SPNS3: variants seen among roughly 807,000 people sequenced by gnomAD.
SPNS3 encodes protein spinster homolog 3.
SPNS3 carries 51 observed loss-of-function variants against 54.4 expected under a neutral mutation model. That is an observed-to-expected ratio of 0.94 (90% CI 0.75 to 1.18). The LOEUF is 1.18. Among genes scored for constraint, SPNS3 ranks in the 50% most tolerant of loss-of-function variants. The pLI is 0.00. For synonymous variants in SPNS3, 309 were observed against 294.7 expected, an observed-to-expected ratio of 1.05 and a Z score of -0.50; for missense variants, 669 against 677.4, an observed-to-expected ratio of 0.99 and a Z score of 0.14.
chr17:4,464,208 T>C (rs113194246), intron 8 of SPNS3, among the ~76,000 whole-genome samples: 41 of 152,362 alleles, frequency 2.7e-4, no homozygotes, highest in African/African-American at 9.6e-4. Context: ...ATCTCTTCCA[T>C]CTTTCCAGTC....
At chr17:4,438,310 G>A (rs751349468) in intron 1 of SPNS3, among the ~76,000 whole-genome samples, 3 of 152,214 alleles carry the variant, frequency 2.0e-5, no homozygotes, top group Non-Finnish European at 2.9e-5. Flanking sequence ...ACCTTGGGCC[G>A]CTAAAGCCTC....
chr17:4,445,968 G>T (rs1196155967), intron 3 of SPNS3, 80 bp from the exon 4 acceptor site: 5 of 1,504,972 alleles, frequency 3.3e-6, no homozygotes, highest in Admixed American at 2.0e-5. Context: ...GGTCCCCTTG[G>T]CTCCTCCGAC....
chr17:4,458,534 T>TCCTC (rs1567563699), intron 8 of SPNS3, among the ~76,000 whole-genome samples: 1 of 102,446 alleles, frequency 9.8e-6, no homozygotes, highest in African/African-American at 2.7e-5. Context: ...CCGCCTTCCT[T>TCCTC]CCTTCCTTCC....
Position 4,440,448 on chromosome 17 carries a change from C to A in SPNS3, c.265+725C>A, listed in dbSNP as rs368594518. On this transcript the variant is annotated intron_variant, in intron 2 of 11. Transcript: ENST00000355530. ...GGGCTTTAGAACATGGCTCTTAAAC[C>A]GGGGTACAGGGATCCCTGGGGATAC... is the stretch of plus-strand genomic sequence containing the variant. Among the ~76,000 whole-genome samples the A allele has an allele frequency of 1.2e-3, 179 of 152,300 alleles. 3 individuals are homozygous for A. Among genetic ancestry groups the A allele is most frequent in the African/African-American group, 4.0e-3 (168 of 41,574 alleles).
chr17:4,453,278 T>C, intron 8 of SPNS3, 73 bp downstream of exon 8: 1 of 1,416,336 alleles, frequency 7.1e-7, no homozygotes, highest in Non-Finnish European at 9.6e-7. Context: ...AGGCTCATGC[T>C]GCGCCCGGCC....
chr17:4,439,551 C>A, intron 1 of SPNS3, 107 bp from the exon 2 acceptor site: 1 of 946,876 alleles, frequency 1.1e-6, no homozygotes, highest in Non-Finnish European at 1.6e-6. Context: ...GTGCCATGCC[C>A]TGTGCTGTGC....
At chr17:4,443,780 A>G (rs932588921) in intron 2 of SPNS3, among the ~76,000 whole-genome samples, 14 of 152,352 alleles carry the variant, frequency 9.2e-5, no homozygotes, top group Admixed American at 8.5e-4. Flanking sequence ...TTTCCAAAAC[A>G]TATTAACAAA....
chr17:4,471,465 A>ATATT (rs1441490241), intron 8 of SPNS3, among the ~76,000 whole-genome samples: 1 of 151,592 alleles, frequency 6.6e-6, no homozygotes, highest in Admixed American at 6.6e-5. Flanking sequence ...CTTTTCTTTG[A>ATATT]TATTTATTTA....
intron 3 of SPNS3, 68 bp downstream of exon 3, chr17:4,445,236 C>A (rs1300239934): frequency 8.7e-6 from 13 of 1,491,282 alleles, no homozygotes; most frequent in Non-Finnish European, 1.2e-5. Flanking sequence ...CTGATTCAGC[C>A]CCGTCAGAGC....
chr17:4,434,305 G>A, intron 1 of SPNS3, 139 bp downstream of exon 1: 6 of 793,186 alleles, frequency 7.6e-6, no homozygotes, highest in Non-Finnish European at 1.2e-5. Flanking sequence ...CTCTAGAGGT[G>A]GTTTTCAGCT....
At chr17:4,470,030 C>A (rs184863528) in intron 8 of SPNS3, among the ~76,000 whole-genome samples, 6 of 152,142 alleles carry the variant, frequency 3.9e-5, no homozygotes, top group African/African-American at 7.2e-5. Context: ...ATTCCGTACA[C>A]GTGTCTCTCT....
rs142673867 is a variant in SPNS3, at chr17:4,464,159, G to T, written c.1113+10954G>T. On this transcript the variant is annotated intron_variant, in intron 8 of 11. Coordinates refer to ENST00000355530, the MANE Select transcript of SPNS3 (RefSeq NM_182538.5). ...CTGGTCTGGGGCCTTCCCTGGGGGA[G>T]CCCATGCCCTGTGGCCACGTACAGA... Among the ~76,000 whole-genome samples the T allele has an allele frequency of 3.1e-3, 478 of 152,322 alleles. 2 individuals are homozygous for T. Among genetic ancestry groups the T allele is most frequent in the African/African-American group, 0.011 (457 of 41,572 alleles).
intron 9 of SPNS3, among the ~76,000 whole-genome samples, chr17:4,479,277 C>T (rs1645835898): frequency 6.6e-6 from 1 of 152,252 alleles, no homozygotes; most frequent in Non-Finnish European, 1.5e-5. Flanking sequence ...TGCTTCTCAG[C>T]AAGCAGGTTC....
intron 8 of SPNS3, among the ~76,000 whole-genome samples, chr17:4,454,887 T>C (rs1231645650): frequency 2.0e-5 from 3 of 149,534 alleles, no homozygotes; most frequent in Non-Finnish European, 4.4e-5. Context: ...CCTCCCAAAG[T>C]GCTGAGATTA....
chr17:4,440,086 C>T (rs1230882744), intron 2 of SPNS3, among the ~76,000 whole-genome samples: 1 of 152,112 alleles, frequency 6.6e-6, no homozygotes, highest in East Asian at 1.9e-4. Flanking sequence ...TTTCCTCTCA[C>T]AGAACTGAAA....
At chr17:4,458,588 CCTTT>C (rs1188233610) in intron 8 of SPNS3, among the ~76,000 whole-genome samples, 4,061 of 58,664 alleles carry the variant, frequency 0.069, 158 homozygotes, top group Admixed American at 0.11. Flanking sequence ...TTCCTTCCCT[CCTTT>C]CTTTCTTTCT....
At chr17:4,482,011 C>A (rs1005783700) in intron 9 of SPNS3, 1 of 152,358 alleles carries the variant, frequency 6.6e-6, no homozygotes, top group Non-Finnish European at 1.5e-5. Flanking sequence ...GCCTCAGCCT[C>A]CTGAATAGCT....
At chr17:4,449,434 C>G (rs1971098633) in intron 7 of SPNS3, 47 bp downstream of exon 7, 1 of 1,529,856 alleles carries the variant, frequency 6.5e-7, no homozygotes, top group African/African-American at 1.4e-5. Flanking sequence ...CTCGGGGGCT[C>G]TTGCTGAGGA....
At chr17:4,479,675 C>T (rs1267909464) in intron 9 of SPNS3, among the ~76,000 whole-genome samples, 1 of 152,244 alleles carries the variant, frequency 6.6e-6, no homozygotes, top group African/African-American at 2.4e-5. Flanking sequence ...ACCAGACTGG[C>T]AGTCAGCTGA....
Sources: gnomAD v4.1 joint callset for allele counts (sites outside exome capture counted in the v4.1 genomes callset) on GRCh38, gnomAD v4.1.1 for gene constraint, MANE v1.5 for transcripts, NCBI Gene and HGNC (gene_info 2026-07-23, HGNC 2026-07-21) for gene names.